The following SF3B1 variants were observed in gnomAD, a reference collection of about 807,000 sequenced individuals.
SF3B1 encodes the protein splicing factor 3b subunit 1, also known as pre-mRNA processing 10.
Under a neutral mutation model 153.8 loss-of-function variants are expected in SF3B1, and 12 were observed. That is an observed-to-expected ratio of 0.08 (90% CI 0.05 to 0.13). The LOEUF is 0.13. SF3B1 is among the 10% of genes least tolerant of loss of function. The pLI, the probability that SF3B1 is intolerant of heterozygous loss-of-function variation, is 1.00. For missense variants in SF3B1, 513 were observed against 1,606.1 expected (o/e 0.32, Z 11.63); for synonymous variants, 498 against 525.2 (o/e 0.95, Z 0.71).
rs2105982717 is a variant in SF3B1 at position 197,400,829 on chromosome 2, C to G, written c.2604G>C (p.Val868=). 1 of 1,613,090 alleles carries G rather than the reference C, an allele frequency of 6.2e-7. No homozygotes were observed. The highest frequency in any genetic ancestry group is 8.5e-7 in the Non-Finnish European group (1 of 1,179,206). ...KDEAEQYRKM[V]METIEKIMGN... The stretch of plus-strand genomic sequence containing the variant: ...CCATAATTTTCTCAATTGTCTCCAT[C>G]ACCATTTTTCTGTACTGTTCGGCTT... Residue 868 remains valine, a synonymous_variant, in exon 18 of 25, where the codon GTG becomes GTC. Coordinates refer to ENST00000335508, the MANE Select transcript of SF3B1 (RefSeq NM_012433.4). The surrounding 1 kb of genome is among the most constrained non-coding windows in gnomAD (Gnocchi z 5.0).
chr2:197,413,689 G>T (rs868014133), intron 6 of SF3B1, among the ~76,000 whole-genome samples: 1 of 152,184 alleles, frequency 6.6e-6, no homozygotes, highest in Non-Finnish European at 1.5e-5. Flanking sequence ...AAAGTGGCTA[G>T]CTCTTTAATA....
chr2:197,421,186 T>A, intron 2 of SF3B1, 53 bp from the exon 3 acceptor site: 1 of 1,119,116 alleles, frequency 8.9e-7, no homozygotes, highest in Non-Finnish European at 1.4e-6. Flanking sequence ...AACTTAAAAA[T>A]TAGAAAGAAT....
chr2:197,433,486 T>C (rs1157036780), intron 1 of SF3B1, among the ~76,000 whole-genome samples: 2 of 152,198 alleles, frequency 1.3e-5, no homozygotes, highest in African/African-American at 4.8e-5. Flanking sequence ...ACAGCACAAC[T>C]TTATATTTTC....
intron 22 of SF3B1, 138 bp downstream of exon 22, chr2:197,397,847 G>C: frequency 1.9e-6 from 1 of 538,526 alleles, no homozygotes; most frequent in South Asian, 3.5e-5. Context: ...CAGAAGGTCA[G>C]TGGTTAAATG....
intron 9 of SF3B1, among the ~76,000 whole-genome samples, chr2:197,406,459 T>C (rs1235785961): frequency 6.6e-6 from 1 of 152,164 alleles, no homozygotes; most frequent in Non-Finnish European, 1.5e-5. Flanking sequence ...TTGGATAAAG[T>C]GGATACTCTA....
intron 1 of SF3B1, 124 bp downstream of exon 1, chr2:197,434,848 T>G: frequency 9.5e-7 from 1 of 1,050,460 alleles, no homozygotes; most frequent in Non-Finnish European, 1.4e-6. Flanking sequence ...GAGACGACCC[T>G]TGGCCCCGAA....
intron 1 of SF3B1, among the ~76,000 whole-genome samples, chr2:197,427,970 A>C (rs1559279785): frequency 6.6e-6 from 1 of 152,048 alleles, no homozygotes; most frequent in Non-Finnish European, 1.5e-5. Context: ...GTGAGCCGAG[A>C]TCGCACCACT....
chr2:197,408,209 A>G, intron 8 of SF3B1, 90 bp from the exon 9 acceptor site: 4 of 1,329,216 alleles, frequency 3.0e-6, no homozygotes, highest in Non-Finnish European at 4.2e-6. Context: ...GATCAATCCT[A>G]TTATTTGCTT....
intron 6 of SF3B1, among the ~76,000 whole-genome samples, chr2:197,413,533 AT>A (rs2085102444): frequency 6.6e-6 from 1 of 152,240 alleles, no homozygotes; most frequent in African/African-American, 2.4e-5. Context: ...GAAATTATGT[AT>A]TAGGTTTTAT....
chr2:197,409,400 C>T (rs75037485), intron 7 of SF3B1, among the ~76,000 whole-genome samples: 8 of 139,952 alleles, frequency 5.7e-5, no homozygotes, highest in African/African-American at 2.1e-4. Flanking sequence ...AACTCCATCT[C>T]AAAAAAAAAA....
chr2:197,413,977 T>C (rs1270032804), intron 6 of SF3B1, among the ~76,000 whole-genome samples: 2 of 152,116 alleles, frequency 1.3e-5, no homozygotes, highest in African/African-American at 2.4e-5. Flanking sequence ...GGGCTAATTT[T>C]TGTATTTTAA....
At chr2:197,423,652 T>C (rs2085284817) in intron 2 of SF3B1, among the ~76,000 whole-genome samples, 156 bp downstream of exon 2, 1 of 152,214 alleles carries the variant, frequency 6.6e-6, no homozygotes, top group Non-Finnish European at 1.5e-5. Flanking sequence ...CCAGTGAAGT[T>C]TCTGAACCTT....
intron 6 of SF3B1, among the ~76,000 whole-genome samples, chr2:197,412,258 T>C (rs2085080026): frequency 6.6e-6 from 1 of 152,108 alleles, no homozygotes; most frequent in African/African-American, 2.4e-5. Context: ...AATTCTATTA[T>C]CTATTGTAAT....
chr2:197,431,734 C>CGTTT (rs2085440746), intron 1 of SF3B1, among the ~76,000 whole-genome samples: 1 of 152,070 alleles, frequency 6.6e-6, no homozygotes, highest in Non-Finnish European at 1.5e-5. Flanking sequence ...TTTCATTAAA[C>CGTTT]AAAACTCCAA....
chr2:197,407,100 AAAC>A lies in SF3B1; in HGVS notation c.1239+895_1239+897del, dbSNP rs1386270221. 2.6e-5 allele frequency among the ~76,000 whole-genome samples: 4 copies of A among 152,212 alleles called. No homozygotes were observed. In the East Asian group the frequency reaches 7.7e-4, roughly 29 times the overall value. On this transcript the variant is annotated intron_variant, in intron 9 of 24. Coordinates refer to ENST00000335508, the MANE Select transcript of SF3B1 (RefSeq NM_012433.4). ...GAGACCCTGTCTCTAAAACAAAACA[AAAC>A]AACAAAAAACATACTCATGAACTGT...
intron 11 of SF3B1, 141 bp downstream of exon 11, chr2:197,404,935 T>C (rs2084973986): frequency 3.4e-6 from 2 of 590,722 alleles, no homozygotes; most frequent in African/African-American, 1.9e-5. Flanking sequence ...TCCCAGCACT[T>C]TGGGAGGTAG....
intron 6 of SF3B1, among the ~76,000 whole-genome samples, chr2:197,415,345 C>A (rs1206324310): frequency 6.6e-6 from 1 of 151,892 alleles, no homozygotes; most frequent in Non-Finnish European, 1.5e-5. Flanking sequence ...CTCCACCTCC[C>A]AGGTTCAAGT....
rs2084791379 is a variant in SF3B1, at chr2:197,389,849, T to G, written c.*2454A>C. On this transcript the variant is annotated 3_prime_UTR_variant, in exon 25 of 25. Coordinates refer to ENST00000335508, the MANE Select transcript of SF3B1 (RefSeq NM_012433.4). ...GCTCACAGGGCACTGTACAACAAAT[T>G]TTAAAAATACAATATGAAAAAAATC... is the stretch of plus-strand genomic sequence containing the variant. 6.6e-6 allele frequency: 1 copy of G among 152,116 alleles called. No homozygotes were observed. The highest frequency in any genetic ancestry group is 2.1e-4 in the South Asian group (1 of 4,808). The allele number at this position is 152,116 out of a possible 1,614,324, so 9.4% of individuals were successfully genotyped here.
At chr2:197,397,374 T>C (rs919185023) in intron 22 of SF3B1, among the ~76,000 whole-genome samples, 2 of 152,236 alleles carry the variant, frequency 1.3e-5, no homozygotes, top group Admixed American at 1.3e-4. Flanking sequence ...CTTAATAGTT[T>C]AAGCAATATC....
Sources: allele counts gnomAD v4.1 joint callset (sites outside exome capture counted in the v4.1 genomes callset), GRCh38; gene constraint gnomAD v4.1.1; non-coding constraint Gnocchi (gnomAD v3.1); transcripts MANE v1.5; gene names NCBI Gene and HGNC (gene_info 2026-07-23, HGNC 2026-07-21).